The following UBTD1 variants were observed in gnomAD, a reference collection of about 807,000 sequenced individuals.
UBTD1 encodes ubiquitin domain-containing protein 1.
Under a neutral mutation model 21.7 loss-of-function variants are expected in UBTD1, and 19 were observed. The ratio of observed to expected loss-of-function variants is 0.87; its 90% CI spans 0.61 to 1.28. The LOEUF is 1.28. UBTD1 is among the 50% of genes most tolerant of loss of function. UBTD1 has a pLI of 0.00. For synonymous variants in UBTD1, 116 were observed against 135.1 expected, an observed-to-expected ratio of 0.86 and a Z score of 0.98; for missense variants, 282 against 315.1, an observed-to-expected ratio of 0.89 and a Z score of 0.80.
intron 1 of UBTD1, among the ~76,000 whole-genome samples, chr10:97,545,387 CGTGT>C (rs1554866775): frequency 1.3e-3 from 161 of 120,740 alleles, no homozygotes; most frequent in African/African-American, 6.0e-3. Flanking sequence ...GTATGGGGCT[CGTGT>C]GTGTGTGTGT....
intron 1 of UBTD1, among the ~76,000 whole-genome samples, chr10:97,527,316 A>C (rs2040494243): frequency 6.6e-6 from 1 of 151,738 alleles, no homozygotes; most frequent in Non-Finnish European, 1.5e-5. Context: ...ATCTATACAA[A>C]AAATTTCAAA....
intron 1 of UBTD1, among the ~76,000 whole-genome samples, chr10:97,537,242 C>T (rs765593968): frequency 4.6e-5 from 7 of 152,174 alleles, no homozygotes; most frequent in Non-Finnish European, 8.8e-5. Context: ...TTGTCTGGGC[C>T]TGAGCACCCT....
chr10:97,499,389 A>T (rs952674081), intron 1 of UBTD1, 116 bp downstream of exon 1: 1 of 1,288,944 alleles, frequency 7.8e-7, no homozygotes, highest in African/African-American at 1.6e-5. Flanking sequence ...GGTTTCCCCG[A>T]TGGGCTGCTC....
intron 1 of UBTD1, among the ~76,000 whole-genome samples, chr10:97,530,937 G>T (rs1398423751): frequency 6.6e-6 from 1 of 151,720 alleles, no homozygotes; most frequent in African/African-American, 2.4e-5. Context: ...GCCCAGGCTG[G>T]AGTGCAGTGG....
chr10:97,547,765 A>G (rs2135678951), intron 1 of UBTD1, among the ~76,000 whole-genome samples: 1 of 152,210 alleles, frequency 6.6e-6, no homozygotes, highest in East Asian at 1.9e-4. Flanking sequence ...GGGTTTCACC[A>G]TGTTGGCCAG....
intron 1 of UBTD1, among the ~76,000 whole-genome samples, chr10:97,511,539 G>A (rs1376956473): frequency 6.6e-6 from 1 of 152,182 alleles, no homozygotes; most frequent in Non-Finnish European, 1.5e-5. Flanking sequence ...GTGCCAGAAA[G>A]TGCACTTTGT....
intron 1 of UBTD1, among the ~76,000 whole-genome samples, chr10:97,510,549 G>A (rs559064838): frequency 6.6e-6 from 1 of 152,218 alleles, no homozygotes; most frequent in African/African-American, 2.4e-5. Flanking sequence ...CTTGAGAATG[G>A]TGCCTGGGAC....
chr10:97,543,021 C>T (rs2040593477), intron 1 of UBTD1, among the ~76,000 whole-genome samples: 1 of 152,226 alleles, frequency 6.6e-6, no homozygotes, highest in African/African-American at 2.4e-5. Flanking sequence ...AGTCAGAATC[C>T]CAGGGAGCAG....
chr10:97,509,142 G>A (rs1174280596), intron 1 of UBTD1, among the ~76,000 whole-genome samples: 1 of 152,136 alleles, frequency 6.6e-6, no homozygotes, highest in Non-Finnish European at 1.5e-5. Context: ...TCAAGTATTA[G>A]ATATCATTTG....
rs144541572 is a variant in UBTD1, at chr10:97,539,684, A to G, written c.71-28230A>G. Among the ~76,000 whole-genome samples the G allele has an allele frequency of 4.7e-4, 71 of 152,234 alleles. 1 individual carries two copies. The East Asian group carries it at 9.9e-3, about 21-fold the overall frequency. ...ACAGGCCTCACCTGCCTACTCCCTC[A>G]AGCCTTTCTTGGGGGAGGGGACGGC... On this transcript the variant is annotated intron_variant, in intron 1 of 2. Coordinates refer to ENST00000370664, the MANE Select transcript of UBTD1 (RefSeq NM_024954.5).
At chr10:97,555,950 C>G (rs941523800) in intron 1 of UBTD1, among the ~76,000 whole-genome samples, 5 of 152,142 alleles carry the variant, frequency 3.3e-5, no homozygotes, top group Admixed American at 6.5e-5. Flanking sequence ...TCATTTCCCC[C>G]CTTTGAGACT....
At chr10:97,526,003 T>C (rs947553325) in intron 1 of UBTD1, among the ~76,000 whole-genome samples, 3 of 152,182 alleles carry the variant, frequency 2.0e-5, no homozygotes, top group African/African-American at 7.2e-5. Flanking sequence ...ACAAGGTTCC[T>C]GGCAGCAGCA....
intron 1 of UBTD1, among the ~76,000 whole-genome samples, chr10:97,529,144 G>T (rs1286189153): frequency 6.6e-6 from 1 of 150,770 alleles, no homozygotes; most frequent in East Asian, 2.0e-4. Flanking sequence ...GGGCAGAGGC[G>T]CTCCCCACAT....
chr10:97,530,258 A>C (rs545063177), intron 1 of UBTD1, among the ~76,000 whole-genome samples: 1 of 152,310 alleles, frequency 6.6e-6, no homozygotes, highest in South Asian at 2.1e-4. Flanking sequence ...ATGAAGAATG[A>C]TGCAAGCTCT....
At chr10:97,537,443 G>A (rs1161497189) in intron 1 of UBTD1, among the ~76,000 whole-genome samples, 1 of 152,212 alleles carries the variant, frequency 6.6e-6, no homozygotes, top group Non-Finnish European at 1.5e-5. Context: ...GGATACATGT[G>A]ACCTGTGCTC....
intron 2 of UBTD1, among the ~76,000 whole-genome samples, chr10:97,569,278 C>T (rs973058491): frequency 3.3e-5 from 5 of 152,194 alleles, no homozygotes; most frequent in Non-Finnish European, 5.9e-5. Context: ...TAGTCCAGTC[C>T]CAGCACTTAG....
rs368061088 is a variant in UBTD1, at chr10:97,520,034, C to T, written c.70+20761C>T. On this transcript the variant is annotated intron_variant, in intron 1 of 2. Coordinates refer to ENST00000370664, the MANE Select transcript of UBTD1 (RefSeq NM_024954.5). The stretch of plus-strand genomic sequence containing the variant: ...TTAGTGGTTAAGAGCACAGGTTCGG[C>T]TCAGACCATGGCAGAGCTTAAATCC... Among the ~76,000 whole-genome samples, 74 of 152,320 alleles carry T rather than the reference C, an allele frequency of 4.9e-4. 1 individual carries two copies. Among genetic ancestry groups the T allele is most frequent in the Admixed American group, 1.3e-3 (20 of 15,306 alleles).
chr10:97,566,687 G>C (rs552166968), intron 1 of UBTD1, among the ~76,000 whole-genome samples: 1 of 152,232 alleles, frequency 6.6e-6, no homozygotes, highest in African/African-American at 2.4e-5. Flanking sequence ...ATCGCTGCCT[G>C]CAATTCTCTT....
intron 1 of UBTD1, among the ~76,000 whole-genome samples, chr10:97,533,574 C>G (rs1045111792): frequency 4.6e-5 from 7 of 152,294 alleles, no homozygotes; most frequent in Admixed American, 1.3e-4. Context: ...CTCTTCGCAG[C>G]ATCCCCCTTT....
Sources: gnomAD v4.1 joint callset for allele counts (sites outside exome capture counted in the v4.1 genomes callset) on GRCh38, gnomAD v4.1.1 for gene constraint, MANE v1.5 for transcripts, NCBI Gene and HGNC (gene_info 2026-07-23, HGNC 2026-07-21) for gene names.